Variants in CDC42BPB observed in about 807,000 individuals in gnomAD.
The protein encoded by CDC42BPB is CDC42 binding protein kinase beta.
Under a neutral mutation model 214.9 loss-of-function variants are expected in CDC42BPB, and 37 were observed. The ratio of observed to expected loss-of-function variants is 0.17; its 90% CI spans 0.13 to 0.23. CDC42BPB has a LOEUF of 0.23. Among genes scored for constraint, CDC42BPB ranks in the 10% least tolerant of loss-of-function variants. The pLI is 1.00. For synonymous variants in CDC42BPB, 931 were observed against 884.0 expected, an observed-to-expected ratio of 1.05 and a Z score of -0.94; for missense variants, 1,694 against 2,227.0, an observed-to-expected ratio of 0.76 and a Z score of 4.82.
At chr14:103,021,669 G>A (rs1414266519) in intron 1 of CDC42BPB, among the ~76,000 whole-genome samples, 12 of 113,192 alleles carry the variant, frequency 1.1e-4, no homozygotes, top group African/African-American at 3.5e-4. Context: ...AACAAAGCAA[G>A]ACCTAGTCTC....
intron 36 of CDC42BPB, 137 bp from the exon 37 acceptor site, chr14:102,933,980 C>T (rs868827407): frequency 2.0e-5 from 27 of 1,382,786 alleles, no homozygotes; most frequent in Middle Eastern, 2.0e-4. Context: ...AAAACACACA[C>T]GCTCTACACC....
Position 102,977,794 on chromosome 14 carries a change from C to T in CDC42BPB, c.1220+332G>A, listed in dbSNP as rs1398954202. 3.9e-5 allele frequency among the ~76,000 whole-genome samples: 6 copies of T among 152,236 alleles called. No homozygotes were observed. The South Asian group carries it at 6.2e-4, about 16-fold the overall frequency. Reference sequence around the variant, plus strand: ...CCTGGCCTCTGGGAGAAATCCTGCCCGAGGCCTGTTTCTGCACCATCACGA... The same window carrying T: ...CCTGGCCTCTGGGAGAAATCCTGCCTGAGGCCTGTTTCTGCACCATCACGA... On this transcript the variant is annotated intron_variant, in intron 9 of 36. Transcript: ENST00000361246.
chr14:103,050,677 A>G (rs1024089442), intron 1 of CDC42BPB, among the ~76,000 whole-genome samples: 22 of 152,236 alleles, frequency 1.4e-4, no homozygotes, highest in Admixed American at 1.2e-3. Context: ...GGACTGCCTG[A>G]GCCTGGGAAG....
At chr14:102,964,281 C>T (rs1005559732) in intron 19 of CDC42BPB, among the ~76,000 whole-genome samples, 1 of 152,242 alleles carries the variant, frequency 6.6e-6, no homozygotes. Flanking sequence ...CACCCCCCCG[C>T]GGCAGGCAAG....
chr14:102,956,358 T>G (rs1892705514), intron 21 of CDC42BPB: 1 of 658,172 alleles, frequency 1.5e-6, no homozygotes, highest in Non-Finnish European at 1.9e-6. Context: ...TGAAGATATA[T>G]TGACTTAATC....
chr14:103,042,248 TCCAATATGGGG>T (rs1386488887), intron 1 of CDC42BPB, among the ~76,000 whole-genome samples: 1 of 152,074 alleles, frequency 6.6e-6, no homozygotes, highest in Non-Finnish European at 1.5e-5. Flanking sequence ...AAATCGTATG[TCCAATATGGGG>T]CTTGTATCTA....
At chr14:102,965,388 T>TAA (rs765936398) in intron 18 of CDC42BPB, among the ~76,000 whole-genome samples, 13 of 115,260 alleles carry the variant, frequency 1.1e-4, no homozygotes, top group African/African-American at 2.8e-4. Context: ...TACCTGTGAT[T>TAA]AAAAAAAAAA....
chr14:102,988,425 G>C (rs1044339941), intron 5 of CDC42BPB, among the ~76,000 whole-genome samples: 8 of 151,094 alleles, frequency 5.3e-5, no homozygotes, highest in African/African-American at 1.7e-4. Context: ...AAATATCAAT[G>C]TCCTCTTTTT....
chr14:102,983,286 GCGTCCTTCCC>G (rs1894087952), intron 7 of CDC42BPB, among the ~76,000 whole-genome samples: 1 of 152,136 alleles, frequency 6.6e-6, no homozygotes, highest in African/African-American at 2.4e-5. Flanking sequence ...GAGCAGGCCA[GCGTCCTTCCC>G]CTGAGAGTGG....
At chr14:102,974,497 C>G (rs745333617) in intron 11 of CDC42BPB, among the ~76,000 whole-genome samples, 13 of 152,120 alleles carry the variant, frequency 8.5e-5, no homozygotes, top group Non-Finnish European at 1.9e-4. Context: ...CCTTTCTCAG[C>G]GTGCAAGAAA....
At position 102,938,164 on chromosome 14, in the gene CDC42BPB, C is replaced by CTCCGATCCACCT; in HGVS notation, c.4934-2_4943dup (p.Gly1645_Glu1648dup). On this transcript the variant is annotated inframe_insertion, in exon 36 of 37. Transcript: ENST00000361246. Reference sequence around the variant, plus strand: ...TTCTCAGAGGCACAGTCACGCTAGGCTCCGATCCACCTACAGAACAAGGAC... The same window carrying CTCCGATCCACCT: ...TTCTCAGAGGCACAGTCACGCTAGGCTCCGATCCACCTTCCGATCCACCTACAGAACAAGGAC... 1 of 1,613,612 alleles carries CTCCGATCCACCT rather than the reference C, an allele frequency of 6.2e-7. No homozygotes were observed. The highest frequency in any genetic ancestry group is 8.5e-7 in the Non-Finnish European group (1 of 1,179,854).
At chr14:103,014,934 C>T (rs1025967113) in intron 1 of CDC42BPB, among the ~76,000 whole-genome samples, 2 of 152,204 alleles carry the variant, frequency 1.3e-5, no homozygotes, top group Non-Finnish European at 1.5e-5. Context: ...AGGCTGTGCC[C>T]GGAACGTCCT....
rs978318323 is a variant in CDC42BPB, at chr14:102,971,453, C to A, written c.1884+466G>T. ...AGCCAAGACACTTCAGAAGCACTCA[C>A]CTAAGCGGCGGCCTGAAGTGTGCTG... On this transcript the variant is annotated intron_variant, in intron 13 of 36. Coordinates refer to ENST00000361246, the MANE Select transcript of CDC42BPB (RefSeq NM_006035.4). Among the ~76,000 whole-genome samples the A allele has an allele frequency of 3.3e-5, 5 of 152,218 alleles. No homozygotes were observed. The South Asian group carries it at 1.0e-3, about 32-fold the overall frequency.
intron 9 of CDC42BPB, among the ~76,000 whole-genome samples, chr14:102,977,697 T>C (rs1436304042): frequency 6.6e-6 from 1 of 152,192 alleles, no homozygotes; most frequent in Non-Finnish European, 1.5e-5. Context: ...GGATCAGAGC[T>C]AACCCTGCCA....
At chr14:102,969,999 C>A (rs556185231) in intron 14 of CDC42BPB, 152 bp downstream of exon 14, 10 of 562,216 alleles carry the variant, frequency 1.8e-5, no homozygotes, top group South Asian at 5.5e-5. Context: ...AGGGGTCACA[C>A]CCCCCACCTC....
chr14:102,947,653 A>G, intron 27 of CDC42BPB, 68 bp downstream of exon 27: 1 of 1,372,132 alleles, frequency 7.3e-7, no homozygotes. Flanking sequence ...GCCGCAGCAC[A>G]ATGACATGCC....
intron 1 of CDC42BPB, among the ~76,000 whole-genome samples, chr14:103,034,771 T>A (rs948941047): frequency 1.6e-4 from 23 of 147,956 alleles, no homozygotes; most frequent in Non-Finnish European, 3.1e-4. Flanking sequence ...TGAGCTAAGA[T>A]CGTGCCACTG....
chr14:103,000,241 G>T (rs548036352), intron 4 of CDC42BPB, among the ~76,000 whole-genome samples: 1 of 152,380 alleles, frequency 6.6e-6, no homozygotes, highest in Admixed American at 6.5e-5. Flanking sequence ...TCCTACTTAA[G>T]TAGAAATTGG....
intron 29 of CDC42BPB, chr14:102,945,273 G>A: frequency 4.3e-6 from 2 of 460,658 alleles, no homozygotes; most frequent in Non-Finnish European, 8.7e-6. Flanking sequence ...CTAGACCCAG[G>A]GCTGTGGAGC....
Sources: allele counts gnomAD v4.1 joint callset (sites outside exome capture counted in the v4.1 genomes callset), GRCh38; gene constraint gnomAD v4.1.1; transcripts MANE v1.5; gene names NCBI Gene and HGNC (gene_info 2026-07-23, HGNC 2026-07-21).